Variants in TBCE observed in about 807,000 individuals in gnomAD.
TBCE encodes tubulin folding cofactor E, also known as tubulin-specific chaperone E.
Under a neutral mutation model 77.0 loss-of-function variants are expected in TBCE, and 53 were observed. The observed-to-expected ratio is 0.69, with a 90% CI of 0.55 to 0.87. The LOEUF is 0.87. Among genes scored for constraint, TBCE ranks in the 40% least tolerant of loss-of-function variants. TBCE has a pLI of 0.00. For missense variants in TBCE, 624 were observed against 622.4 expected (o/e 1.00, Z -0.03); for synonymous variants, 235 against 241.3 (o/e 0.97, Z 0.24).
At chr1:235,427,740 G>A (rs192260211) in intron 6 of TBCE, among the ~76,000 whole-genome samples, 111 of 152,160 alleles carry the variant, frequency 7.3e-4, no homozygotes, top group African/African-American at 2.4e-3. Context: ...ACTAAAATCT[G>A]TGCATCTGGG....
intron 3 of TBCE, among the ~76,000 whole-genome samples, chr1:235,411,974 T>C (rs906124219): frequency 6.6e-6 from 1 of 151,624 alleles, no homozygotes. Flanking sequence ...GGAAAGGTTA[T>C]GTTCATGTTG....
intron 7 of TBCE, among the ~76,000 whole-genome samples, chr1:235,432,636 C>T (rs1350796538): frequency 5.9e-5 from 9 of 152,084 alleles, no homozygotes; most frequent in Non-Finnish European, 7.4e-5. Context: ...CAGAGCAAGA[C>T]GCATCTCACC....
intron 15 of TBCE, among the ~76,000 whole-genome samples, chr1:235,446,319 G>C (rs572376023): frequency 9.3e-4 from 141 of 152,198 alleles, no homozygotes; most frequent in Admixed American, 2.4e-3. Context: ...TGGGATAACA[G>C]GTGCCCGCCA....
chr1:235,425,445 G>T (rs1307503229), intron 5 of TBCE, among the ~76,000 whole-genome samples: 2 of 152,068 alleles, frequency 1.3e-5, no homozygotes, highest in African/African-American at 4.8e-5. Context: ...CTGCAATTGT[G>T]CTCAACTCAG....
chr1:235,447,333 C>T (rs182881702), intron 15 of TBCE, among the ~76,000 whole-genome samples: 157 of 152,166 alleles, frequency 1.0e-3, no homozygotes, highest in African/African-American at 3.6e-3. Flanking sequence ...GTAGGAACAC[C>T]ACACTATTGC....
intron 1 of TBCE, among the ~76,000 whole-genome samples, chr1:235,376,245 A>G (rs1022312531): frequency 6.6e-6 from 1 of 152,150 alleles, no homozygotes; most frequent in East Asian, 1.9e-4. Context: ...TAGATTAATA[A>G]TGAGAATGGC....
At chr1:235,436,784 C>T (rs1243774582) in intron 11 of TBCE, among the ~76,000 whole-genome samples, 176 bp downstream of exon 11, 2 of 152,176 alleles carry the variant, frequency 1.3e-5, no homozygotes, top group Non-Finnish European at 2.9e-5. Flanking sequence ...AATTAGTTCA[C>T]TTCACACTTA....
intron 4 of TBCE, 67 bp from the exon 5 acceptor site, chr1:235,419,401 GTTTAA>G: frequency 1.2e-6 from 2 of 1,609,178 alleles, no homozygotes; most frequent in Non-Finnish European, 1.7e-6. Flanking sequence ...TCTGAAATGT[GTTTAA>G]TTTTTTAAAG....
In TBCE at chr1:235,450,157, A is replaced by AT. The variant is rs1558404154; in HGVS notation, c.*1397dup. The AT allele has an allele frequency of 1.2e-6, 2 of 1,607,686 alleles. No homozygotes were observed. The highest frequency in any genetic ancestry group is 1.7e-6 in the Non-Finnish European group (2 of 1,174,884). ...TGGGACTCCTCAGACTTGCACTCAGATTATCGTTTGCCTGCCCTGATTTTA... is the reference window on the plus strand; with the variant it reads ...TGGGACTCCTCAGACTTGCACTCAGATTTATCGTTTGCCTGCCCTGATTTTA... On this transcript the variant is annotated 3_prime_UTR_variant, in exon 17 of 17. Transcript: ENST00000642610.
chr1:235,387,467 C>A (rs548999466), intron 2 of TBCE, among the ~76,000 whole-genome samples: 5 of 152,218 alleles, frequency 3.3e-5, no homozygotes, highest in Admixed American at 6.5e-5. Flanking sequence ...TCGAGCTTCC[C>A]GGCTGCTTTG....
chr1:235,422,756 G>A (rs1432367109), intron 5 of TBCE, among the ~76,000 whole-genome samples: 2 of 152,196 alleles, frequency 1.3e-5, no homozygotes, highest in Admixed American at 1.3e-4. Context: ...TTGAACCTGG[G>A]AGGCAGAGGT....
chr1:235,421,276 G>C (rs190378836), intron 5 of TBCE, among the ~76,000 whole-genome samples: 55 of 152,316 alleles, frequency 3.6e-4, no homozygotes, highest in African/African-American at 1.3e-3. Flanking sequence ...AAAACTGGGT[G>C]TGGTGGCATG....
intron 13 of TBCE, among the ~76,000 whole-genome samples, chr1:235,439,451 A>G (rs981830208): frequency 7.3e-5 from 11 of 150,798 alleles, no homozygotes; most frequent in African/African-American, 1.9e-4. Flanking sequence ...AGCCGAGATC[A>G]CACCACTGTA....
intron 5 of TBCE, 108 bp downstream of exon 5, chr1:235,419,669 C>G: frequency 6.8e-7 from 1 of 1,465,768 alleles, no homozygotes; most frequent in Non-Finnish European, 9.4e-7. Context: ...AACTTCCTTC[C>G]TAATGCAGTT....
At chr1:235,404,606 T>A (rs1235755392) in intron 3 of TBCE, among the ~76,000 whole-genome samples, 1 of 152,036 alleles carries the variant, frequency 6.6e-6, no homozygotes, top group Non-Finnish European at 1.5e-5. Context: ...AACTTAGAAG[T>A]TTTTTCTTTC....
rs534705345 is a variant in TBCE, at chr1:235,379,311, T to C, written c.-31-708T>C. Reference sequence around the variant, plus strand: ...GGGAGGCAGAGGAGGGTGGATCACCTGAGATCAGAAGTTTGAGACCAGTCT... The same window carrying C: ...GGGAGGCAGAGGAGGGTGGATCACCCGAGATCAGAAGTTTGAGACCAGTCT... On this transcript the variant is annotated intron_variant, in intron 1 of 16. Coordinates refer to ENST00000642610, the MANE Select transcript of TBCE (RefSeq NM_003193.5). Among the ~76,000 whole-genome samples the C allele has an allele frequency of 3.3e-5, 5 of 152,052 alleles. No individual in the cohort carries two copies. In the South Asian group the frequency reaches 1.0e-3, roughly 32 times the overall value.
chr1:235,424,931 G>A (rs570098872), intron 5 of TBCE, among the ~76,000 whole-genome samples: 98 of 152,268 alleles, frequency 6.4e-4, no homozygotes, highest in Non-Finnish European at 1.2e-3. Flanking sequence ...GTGAGCCGCC[G>A]CGCCTGGCCT....
In TBCE at chr1:235,416,337, C is replaced by A. The variant is rs372653823; in HGVS notation, c.371+1719C>A. Among the ~76,000 whole-genome samples, 5 of 151,802 alleles carry A rather than the reference C, an allele frequency of 3.3e-5. No homozygotes were observed. The East Asian group carries it at 9.7e-4, about 29-fold the overall frequency. Reference sequence around the variant, plus strand: ...AAATAGCCTGGGCAACATGGCAAAACCCTGTCTCTACAAAAAAAATAAATA... The same window carrying A: ...AAATAGCCTGGGCAACATGGCAAAAACCTGTCTCTACAAAAAAAATAAATA... On this transcript the variant is annotated intron_variant, in intron 4 of 16. Coordinates refer to ENST00000642610, the MANE Select transcript of TBCE (RefSeq NM_003193.5).
intron 1 of TBCE, among the ~76,000 whole-genome samples, chr1:235,370,035 CCT>C (rs1676812691): frequency 6.6e-6 from 1 of 151,820 alleles, no homozygotes; most frequent in Non-Finnish European, 1.5e-5. Context: ...CAGTTCTTTA[CCT>C]CTCTCATATT....
Sources: allele counts gnomAD v4.1 joint callset (sites outside exome capture counted in the v4.1 genomes callset), GRCh38; gene constraint gnomAD v4.1.1; transcripts MANE v1.5; gene names NCBI Gene and HGNC (gene_info 2026-07-23, HGNC 2026-07-21).